HOATZ: variants seen among roughly 807,000 people sequenced by gnomAD.
The protein encoded by HOATZ is HOATZ cilia and flagella associated protein.
Under a neutral mutation model 24.9 loss-of-function variants are expected in HOATZ, and 26 were observed. That is an observed-to-expected ratio of 1.04 (90% CI 0.76 to 1.45). The LOEUF (loss-of-function observed/expected upper bound fraction) is 1.45. Ranked by LOEUF, HOATZ falls within the 40% of genes most tolerant of loss-of-function variation. The probability of loss-of-function intolerance (pLI) is 0.00; values close to 1 mark genes in which losing one functional copy is unlikely to be tolerated. For missense variants in HOATZ, 226 were observed against 201.5 expected (o/e 1.12, Z -0.74); for synonymous variants, 83 against 76.6 (o/e 1.08, Z -0.43).
intron 3 of HOATZ, among the ~76,000 whole-genome samples, chr11:111,520,025 A>G (rs1385661151): frequency 6.6e-6 from 1 of 152,176 alleles, no homozygotes; most frequent in Non-Finnish European, 1.5e-5. Flanking sequence ...CACAATTGCT[A>G]TTTCTGTGAT....
intron 3 of HOATZ, among the ~76,000 whole-genome samples, chr11:111,521,267 T>G (rs988678606): frequency 6.6e-6 from 1 of 152,170 alleles, no homozygotes; most frequent in Non-Finnish European, 1.5e-5. Context: ...TTCAAAAGGT[T>G]GTATTTTTAG....
At chr11:111,530,706 TAATTAGAAATGAA>T (rs1490460110) in intron 3 of HOATZ, among the ~76,000 whole-genome samples, 1 of 152,154 alleles carries the variant, frequency 6.6e-6, no homozygotes, top group African/African-American at 2.4e-5. Context: ...CAAAACACTA[TAATTAGAAATGAA>T]AATTTTTTGT....
chr11:111,526,007 G>A (rs1867334938), intron 3 of HOATZ, among the ~76,000 whole-genome samples: 1 of 152,164 alleles, frequency 6.6e-6, no homozygotes, highest in South Asian at 2.1e-4. Context: ...ATCCAATCAA[G>A]GGAATCAGGG....
chr11:111,531,225 A>G (rs1019616506), intron 3 of HOATZ, among the ~76,000 whole-genome samples: 1 of 152,218 alleles, frequency 6.6e-6, no homozygotes, highest in Admixed American at 6.5e-5. Context: ...TCATTTTCCA[A>G]AACTTTTTGT....
rs372648264 is a variant in HOATZ, at chr11:111,515,493, C to A, written c.227-18C>A. On this transcript the variant is annotated intron_variant, in intron 1 of 5. Transcript: ENST00000375618. The stretch of plus-strand genomic sequence containing the variant: ...GACTTTTCCAATGATTTCTTTACTT[C>A]CCTTTTGTATTTTTTAGAAAACAGC... 1.6e-5 allele frequency: 25 copies of A among 1,607,984 alleles called. No individual in the cohort carries two copies. The highest frequency in any genetic ancestry group is 2.1e-5 in the Non-Finnish European group (25 of 1,174,800).
At chr11:111,525,402 A>AGTATAAGT (rs1332298376) in intron 3 of HOATZ, among the ~76,000 whole-genome samples, 1 of 152,180 alleles carries the variant, frequency 6.6e-6, no homozygotes, top group Non-Finnish European at 1.5e-5. Flanking sequence ...AAATGCTGCC[A>AGTATAAGT]ATAGATAAAA....
intron 1 of HOATZ, 60 bp downstream of exon 1, chr11:111,515,070 T>TA (rs1433990031): frequency 1.7e-6 from 2 of 1,178,940 alleles, no homozygotes; most frequent in African/African-American, 3.0e-5. Context: ...GGCCTGCAGG[T>TA]ACCAGAGCCC....
intron 3 of HOATZ, 99 bp downstream of exon 3, chr11:111,516,209 T>G: frequency 1.5e-6 from 1 of 669,874 alleles, no homozygotes; most frequent in Non-Finnish European, 2.5e-6. Context: ...CTACTTCTAG[T>G]GCATCAGCTT....
chr11:111,529,282 A>G (rs1867370830), intron 3 of HOATZ, among the ~76,000 whole-genome samples: 1 of 152,212 alleles, frequency 6.6e-6, no homozygotes, highest in South Asian at 2.1e-4. Flanking sequence ...AGGCATGATC[A>G]CTCAAGTATC....
chr11:111,534,692 G>A (rs1171178320), intron 5 of HOATZ: 4 of 513,958 alleles, frequency 7.8e-6, no homozygotes, highest in Admixed American at 3.4e-5. Flanking sequence ...AAAATGGAAA[G>A]CAGCTCAGCC....
At chr11:111,530,646 G>A (rs1047187706) in intron 3 of HOATZ, among the ~76,000 whole-genome samples, 4 of 152,110 alleles carry the variant, frequency 2.6e-5, no homozygotes, top group African/African-American at 7.2e-5. Context: ...TGTATTAACA[G>A]TTAATTGAAT....
At chr11:111,518,963 G>A (rs531454552) in intron 3 of HOATZ, 7 of 455,122 alleles carry the variant, frequency 1.5e-5, no homozygotes, top group Non-Finnish European at 2.6e-5. Context: ...TACAGTCTCT[G>A]ATGTGTATTG....
At chr11:111,531,669 G>A (rs1867394521) in intron 3 of HOATZ, among the ~76,000 whole-genome samples, 1 of 152,188 alleles carries the variant, frequency 6.6e-6, no homozygotes, top group African/African-American at 2.4e-5. Context: ...CAGTAACTGT[G>A]ATATATGATG....
chr11:111,518,715 GT>G (rs1255277727), intron 3 of HOATZ, among the ~76,000 whole-genome samples: 2 of 152,212 alleles, frequency 1.3e-5, no homozygotes, highest in African/African-American at 2.4e-5. Flanking sequence ...CAAAACTATG[GT>G]ATGAATACAA....
chr11:111,534,087 G>A (rs1429085724), intron 4 of HOATZ, among the ~76,000 whole-genome samples: 1 of 152,268 alleles, frequency 6.6e-6, no homozygotes, highest in Non-Finnish European at 1.5e-5. Context: ...ATTAACATGG[G>A]CTATTTCAGT....
chr11:111,534,364 C>T (rs762526210), intron 4 of HOATZ, 48 bp from the exon 5 acceptor site: 1 of 1,382,412 alleles, frequency 7.2e-7, no homozygotes, highest in Middle Eastern at 1.9e-4. Flanking sequence ...CCAATCAGTG[C>T]AAGAAGTAAA....
chr11:111,531,265 C>G (rs1367270161), intron 3 of HOATZ, among the ~76,000 whole-genome samples: 2 of 151,024 alleles, frequency 1.3e-5, no homozygotes, highest in Non-Finnish European at 2.9e-5. Flanking sequence ...CTGTGGATTA[C>G]ACAGTACAAT....
intron 5 of HOATZ, 93 bp downstream of exon 5, chr11:111,534,557 A>G: frequency 5.0e-6 from 5 of 1,006,084 alleles, no homozygotes; most frequent in Non-Finnish European, 7.8e-6. Flanking sequence ...TTACCCTTAA[A>G]TCTTCTAGAA....
chr11:111,527,450 G>A (rs776242096), intron 3 of HOATZ, among the ~76,000 whole-genome samples: 2 of 152,126 alleles, frequency 1.3e-5, no homozygotes, highest in Non-Finnish European at 2.9e-5. Flanking sequence ...GGTATAGAAA[G>A]GTGCTTAGAT....
Sources: allele counts gnomAD v4.1 joint callset (sites outside exome capture counted in the v4.1 genomes callset), GRCh38; gene constraint gnomAD v4.1.1; transcripts MANE v1.5; gene names NCBI Gene and HGNC (gene_info 2026-07-23, HGNC 2026-07-21).